Variants in GLRX3 observed in about 807,000 individuals in gnomAD.
GLRX3 encodes the protein glutaredoxin 3.
Under a neutral mutation model 49.5 loss-of-function variants are expected in GLRX3, and 22 were observed. That is an observed-to-expected ratio of 0.44 (90% confidence interval 0.32 to 0.63). The LOEUF is 0.63. Among genes scored for constraint, GLRX3 ranks in the 30% least tolerant of loss-of-function variants. The pLI, the probability that GLRX3 is intolerant of heterozygous loss-of-function variation, is 0.05. For missense variants in GLRX3, 385 were observed against 396.3 expected (o/e 0.97, Z 0.24); for synonymous variants, 133 against 140.0 (o/e 0.95, Z 0.35).
chr10:130,146,188 A>G (rs12245378), intron 2 of GLRX3, among the ~76,000 whole-genome samples: 15,198 of 152,262 alleles, frequency 0.1, 779 homozygotes, highest in Middle Eastern at 0.13. Flanking sequence ...CAGGCAGACA[A>G]ATTAGTTCCC....
chr10:130,173,769 CT>C (rs1473811375), intron 8 of GLRX3, among the ~76,000 whole-genome samples: 5 of 152,066 alleles, frequency 3.3e-5, no homozygotes, highest in Non-Finnish European at 5.9e-5. Flanking sequence ...ACATTGGGGT[CT>C]TTTTTTGTTC....
intron 2 of GLRX3, among the ~76,000 whole-genome samples, chr10:130,155,114 G>C (rs975650770): frequency 6.6e-6 from 1 of 152,106 alleles, no homozygotes; most frequent in African/African-American, 2.4e-5. Flanking sequence ...TGGGATTACA[G>C]GTGTGAGCTA....
chr10:130,149,287 C>G (rs1268268920), intron 2 of GLRX3, among the ~76,000 whole-genome samples: 1 of 151,904 alleles, frequency 6.6e-6, no homozygotes. Context: ...ACTAAAAATA[C>G]AGAATTTAGC....
chr10:130,163,995 T>C (rs1862632978), intron 4 of GLRX3, among the ~76,000 whole-genome samples: 1 of 152,248 alleles, frequency 6.6e-6, no homozygotes, highest in Non-Finnish European at 1.5e-5. Context: ...CCTTGCTTTC[T>C]GCTAATCAGA....
intron 10 of GLRX3, among the ~76,000 whole-genome samples, chr10:130,178,274 G>A (rs918833993): frequency 6.6e-6 from 1 of 151,994 alleles, no homozygotes; most frequent in African/African-American, 2.4e-5. Flanking sequence ...TCGAGACAGA[G>A]TCTCACTCTG....
intron 3 of GLRX3, 133 bp from the exon 4 acceptor site, chr10:130,160,663 G>T: frequency 1.6e-6 from 1 of 626,378 alleles, no homozygotes. Context: ...TTGAGATGCA[G>T]TGCAGGCAAT....
rs374311894 is a variant in GLRX3 at position 130,141,367 on chromosome 10, G to A, written c.93-3844G>A. ...GGTATCCCAGCTTTAAAAAGAAATT[G>A]AAGTATTACATACAGTAACAATGCA... On this transcript the variant is annotated intron_variant, in intron 1 of 10. Coordinates refer to ENST00000331244, the MANE Select transcript of GLRX3 (RefSeq NM_006541.5). Among the ~76,000 whole-genome samples, 19 of 152,072 alleles carry A rather than the reference G, an allele frequency of 1.2e-4. 1 individual carries two copies. The East Asian group carries it at 2.9e-3, about 23-fold the overall frequency.
intron 2 of GLRX3, among the ~76,000 whole-genome samples, chr10:130,150,147 G>C (rs2134884081): frequency 6.6e-6 from 1 of 151,164 alleles, no homozygotes; most frequent in Non-Finnish European, 1.5e-5. Flanking sequence ...GGCTGAGGCA[G>C]GAGAATTGCT....
chr10:130,166,907 T>A lies in GLRX3; in HGVS notation c.652-12T>A. 1 of 1,550,386 alleles carries A rather than the reference T, an allele frequency of 6.5e-7. No homozygotes were observed. The highest frequency in any genetic ancestry group is 8.8e-7 in the Non-Finnish European group (1 of 1,134,480). The stretch of plus-strand genomic sequence containing the variant: ...ATTTTTTTCATAAAACTGGTATGTG[T>A]GCTTATTTTAGGAGCTAGAAGCATC... On this transcript the variant is annotated splice_polypyrimidine_tract_variant and intron_variant, in intron 5 of 10. Coordinates refer to ENST00000331244, the MANE Select transcript of GLRX3 (RefSeq NM_006541.5).
intron 2 of GLRX3, among the ~76,000 whole-genome samples, chr10:130,148,260 A>G (rs1308060620): frequency 6.6e-6 from 1 of 151,694 alleles, no homozygotes; most frequent in African/African-American, 2.4e-5. Flanking sequence ...AGCCTCCCGA[A>G]TAGCTGGGAC....
intron 1 of GLRX3, among the ~76,000 whole-genome samples, chr10:130,137,330 G>A (rs1423592244): frequency 6.6e-6 from 1 of 152,226 alleles, no homozygotes; most frequent in Non-Finnish European, 1.5e-5. Context: ...ACGAGTAAAT[G>A]CTTACTAGCG....
At chr10:130,176,171 G>C (rs1862915452) in intron 10 of GLRX3, among the ~76,000 whole-genome samples, 1 of 150,338 alleles carries the variant, frequency 6.7e-6, no homozygotes, top group Admixed American at 6.6e-5. Context: ...CCCCACTGGA[G>C]TGCAATGGTG....
chr10:130,155,753 C>T (rs539248156), intron 2 of GLRX3, among the ~76,000 whole-genome samples: 55 of 152,178 alleles, frequency 3.6e-4, no homozygotes, highest in African/African-American at 1.3e-3. Context: ...GCCATAGGAT[C>T]GGATGAGCCC....
chr10:130,144,176 ATAT>A (rs778804723), intron 1 of GLRX3, among the ~76,000 whole-genome samples: 10 of 151,928 alleles, frequency 6.6e-5, no homozygotes, highest in African/African-American at 2.2e-4. Context: ...GTAAATAATG[ATAT>A]TATTAGTAAT....
chr10:130,141,255 C>G (rs1235930822), intron 1 of GLRX3, among the ~76,000 whole-genome samples: 1 of 151,896 alleles, frequency 6.6e-6, no homozygotes, highest in East Asian at 1.9e-4. Context: ...CTGCACTTGC[C>G]TTGCACTCCA....
intron 6 of GLRX3, 87 bp downstream of exon 6, chr10:130,167,067 G>A (rs1451372375): frequency 3.1e-6 from 2 of 647,436 alleles, no homozygotes; most frequent in Non-Finnish European, 2.6e-6. Context: ...TGCTCTTTCT[G>A]TGTAGAAATC....
chr10:130,151,116 C>T (rs532551906), intron 2 of GLRX3, among the ~76,000 whole-genome samples: 1 of 152,006 alleles, frequency 6.6e-6, no homozygotes, highest in Admixed American at 6.5e-5. Flanking sequence ...TTAGTAGAGA[C>T]GGGGTTTCAC....
chr10:130,159,895 C>T, intron 2 of GLRX3, 100 bp from the exon 3 acceptor site: 1 of 1,286,860 alleles, frequency 7.8e-7, no homozygotes, highest in Non-Finnish European at 1.1e-6. Flanking sequence ...TTAAAAAATG[C>T]CAGCTACTTG....
intron 2 of GLRX3, among the ~76,000 whole-genome samples, chr10:130,151,148 G>A (rs1862369276): frequency 2.0e-5 from 3 of 152,042 alleles, no homozygotes; most frequent in South Asian, 2.1e-4. Flanking sequence ...GGCTGGTTTC[G>A]AACTCATGAC....
Sources: gnomAD v4.1 joint callset for allele counts (sites outside exome capture counted in the v4.1 genomes callset) on GRCh38, gnomAD v4.1.1 for gene constraint, MANE v1.5 for transcripts, NCBI Gene and HGNC (gene_info 2026-07-23, HGNC 2026-07-21) for gene names.